Variants in TAFA2 observed in about 807,000 individuals in gnomAD.
TAFA2 encodes TAFA chemokine like family member 2.
A neutral mutation model predicts 18.8 loss-of-function variants in TAFA2; 7 were observed. That is an observed-to-expected ratio of 0.37 (90% CI 0.21 to 0.70). The LOEUF is 0.70. TAFA2 is among the 30% of genes least tolerant of loss of function. The pLI is 0.53. For missense variants in TAFA2, 122 were observed against 158.1 expected (o/e 0.77, Z 1.23); for synonymous variants, 60 against 54.2 (o/e 1.11, Z -0.47).
intron 1 of TAFA2, among the ~76,000 whole-genome samples, chr12:62,055,529 C>A (rs917510975): frequency 3.9e-5 from 6 of 152,106 alleles, no homozygotes; most frequent in African/African-American, 1.4e-4. Context: ...GTCACAATTA[C>A]TATTGTGCCA....
chr12:62,028,944 C>A (rs1376653340), intron 1 of TAFA2, among the ~76,000 whole-genome samples: 4 of 152,044 alleles, frequency 2.6e-5, no homozygotes, highest in Non-Finnish European at 5.9e-5. Context: ...TGTATGCTAC[C>A]ACAGCATAAT....
chr12:62,152,038 G>C (rs1384024190), intron 1 of TAFA2, among the ~76,000 whole-genome samples: 1 of 152,160 alleles, frequency 6.6e-6, no homozygotes. Flanking sequence ...GTATTCCTCT[G>C]AAACAGCAGG....
At chr12:61,943,047 CAGAG>C (rs1878102907) in intron 1 of TAFA2, among the ~76,000 whole-genome samples, 1 of 12,862 alleles carries the variant, frequency 7.8e-5, no homozygotes, top group Admixed American at 8.5e-4. Flanking sequence ...TAAGGGCAGC[CAGAG>C]AGAAAGGTCG....
chr12:61,934,296 C>T lies in TAFA2; in HGVS notation c.-1-66870G>A, dbSNP rs551601239. The stretch of plus-strand genomic sequence containing the variant: ...TCAGAGAGAAGAGAATACTAGCACC[C>T]CTAGTCTGCCCACAAAGTCCCCAGG... On this transcript the variant is annotated intron_variant, in intron 1 of 4. Transcript: ENST00000416284. Among the ~76,000 whole-genome samples the T allele has an allele frequency of 3.9e-5, 6 of 152,236 alleles. No individual in the cohort carries two copies. In the East Asian group the frequency reaches 1.2e-3, roughly 29 times the overall value.
intron 2 of TAFA2, among the ~76,000 whole-genome samples, chr12:61,851,988 A>T (rs1457559887): frequency 6.6e-6 from 1 of 151,838 alleles, no homozygotes; most frequent in East Asian, 2.0e-4. Context: ...GGGGCAGAGC[A>T]CCTGAGGTCA....
rs564009038 is a variant in TAFA2, at chr12:61,745,886, G to A, written c.384+7736C>T. ...CAAGAGAAATGCAGTGGAAGAGGAA[G>A]AAAGGGAACAGATGGGGGAAGGGGA... On this transcript the variant is annotated intron_variant, in intron 4 of 4. Coordinates refer to ENST00000416284, the MANE Select transcript of TAFA2 (RefSeq NM_178539.5). 2.6e-5 allele frequency among the ~76,000 whole-genome samples: 4 copies of A among 152,194 alleles called. No homozygotes were observed. In the East Asian group the frequency reaches 7.8e-4, roughly 30 times the overall value.
At chr12:62,139,851 A>G (rs1424922852) in intron 1 of TAFA2, 1 of 152,216 alleles carries the variant, frequency 6.6e-6, no homozygotes, top group Admixed American at 6.5e-5. Flanking sequence ...GCCCAAGGTC[A>G]CACAGTGACT....
chr12:61,808,762 G>T (rs1871735091), intron 2 of TAFA2, among the ~76,000 whole-genome samples: 2 of 151,406 alleles, frequency 1.3e-5, no homozygotes, highest in Admixed American at 1.3e-4. Flanking sequence ...GAATTAACGA[G>T]ATCAATGTTG....
At chr12:61,854,271 A>AT (rs758050243) in intron 2 of TAFA2, among the ~76,000 whole-genome samples, 4 of 152,136 alleles carry the variant, frequency 2.6e-5, no homozygotes, top group Non-Finnish European at 5.9e-5. Flanking sequence ...AAGATACAAA[A>AT]TTTCACACAG....
chr12:61,981,379 C>G (rs927490677), intron 1 of TAFA2, among the ~76,000 whole-genome samples: 2 of 152,162 alleles, frequency 1.3e-5, no homozygotes, highest in Non-Finnish European at 2.9e-5. Context: ...TAGGCAACAC[C>G]TTTCAGGACA....
At chr12:62,237,472 C>A (rs1469263367) in intron 1 of TAFA2, among the ~76,000 whole-genome samples, 4 of 152,142 alleles carry the variant, frequency 2.6e-5, no homozygotes, top group Non-Finnish European at 4.4e-5. Flanking sequence ...ACTGAGTTTC[C>A]TTAAAACTGC....
intron 2 of TAFA2, among the ~76,000 whole-genome samples, chr12:61,825,192 A>G (rs2121066999): frequency 1.3e-5 from 2 of 152,284 alleles, no homozygotes; most frequent in South Asian, 4.1e-4. Context: ...CATAGTGTCA[A>G]TTAAAAAATA....
At chr12:61,920,915 T>C (rs932429190) in intron 1 of TAFA2, among the ~76,000 whole-genome samples, 1 of 151,086 alleles carries the variant, frequency 6.6e-6, no homozygotes, top group Non-Finnish European at 1.5e-5. Context: ...GATTCAGACT[T>C]AAAGAAGATG....
intron 1 of TAFA2, among the ~76,000 whole-genome samples, chr12:62,067,714 A>G (rs1882527081): frequency 6.6e-6 from 1 of 151,964 alleles, no homozygotes; most frequent in Non-Finnish European, 1.5e-5. Context: ...TAGTTACTAT[A>G]CTTCTGTAGC....
At chr12:61,718,196 G>A (rs775826907) in intron 4 of TAFA2, among the ~76,000 whole-genome samples, 30 of 152,216 alleles carry the variant, frequency 2.0e-4, no homozygotes, top group African/African-American at 6.7e-4. Flanking sequence ...ATGGACCTGC[G>A]CTGTTTCTTG....
intron 1 of TAFA2, among the ~76,000 whole-genome samples, chr12:61,908,813 AG>A (rs1442403119): frequency 1.3e-5 from 2 of 152,042 alleles, no homozygotes; most frequent in African/African-American, 4.8e-5. Context: ...TAAGAATGAC[AG>A]GAGAACTATA....
chr12:61,832,203 T>C (rs1426579912), intron 2 of TAFA2, among the ~76,000 whole-genome samples: 2 of 152,074 alleles, frequency 1.3e-5, no homozygotes, highest in Non-Finnish European at 2.9e-5. Flanking sequence ...AGCCGCAGAA[T>C]AGCACTGTAT....
intron 2 of TAFA2, among the ~76,000 whole-genome samples, chr12:61,866,321 A>G (rs1188301637): frequency 2.0e-5 from 3 of 152,174 alleles, no homozygotes; most frequent in Admixed American, 1.3e-4. Flanking sequence ...CCCTGGTGTT[A>G]ATGTTCCATG....
intron 1 of TAFA2, among the ~76,000 whole-genome samples, chr12:62,034,414 C>G (rs1881546562): frequency 6.6e-6 from 1 of 152,138 alleles, no homozygotes; most frequent in African/African-American, 2.4e-5. Context: ...ACAGAATGAC[C>G]TGTAATTTAA....
Sources: gnomAD v4.1 joint callset for allele counts (sites outside exome capture counted in the v4.1 genomes callset) on GRCh38, gnomAD v4.1.1 for gene constraint, MANE v1.5 for transcripts, NCBI Gene and HGNC (gene_info 2026-07-23, HGNC 2026-07-21) for gene names.